The following LAMA1 variants were observed in gnomAD, a reference collection of about 807,000 sequenced individuals.
LAMA1 encodes the protein laminin subunit alpha-1.
In LAMA1, 219 loss-of-function variants were observed where a neutral mutation model predicts 348.7. The observed-to-expected ratio is 0.63, with a 90% CI of 0.56 to 0.70. LAMA1 has a LOEUF of 0.70. Among genes scored for constraint, LAMA1 ranks in the 30% least tolerant of loss-of-function variants. LAMA1 has a pLI of 0.00. For missense variants in LAMA1, 3,744 were observed against 3,888.0 expected (o/e 0.96, Z 0.99); for synonymous variants, 1,487 against 1,491.0 (o/e 1.00, Z 0.06).
chr18:6,958,960 G>A (rs2057594175), intron 54 of LAMA1, among the ~76,000 whole-genome samples: 1 of 151,808 alleles, frequency 6.6e-6, no homozygotes, highest in Non-Finnish European at 1.5e-5. Flanking sequence ...AATGCCCAGT[G>A]TGCTTTTAAA....
At position 6,978,281 on chromosome 18, in the gene LAMA1, C is replaced by T; in HGVS notation, c.6105G>A (p.Glu2035=). ...ACAGGCTGGCAGATGTGTTCAGCAG[C>T]TCCTGGCTCAGCCCCGCCACGTCCC... The part of the protein sequence containing the change: ...TLRDVAGLSQ[E]LLNTSASLSR... The change falls in exon 43 of 63, where the codon GAG becomes GAA. Residue 2035 remains glutamate, a synonymous_variant. Transcript: ENST00000389658. The T allele has an allele frequency of 6.2e-7, 1 of 1,614,226 alleles. No homozygotes were observed. The highest frequency in any genetic ancestry group is 8.5e-7 in the Non-Finnish European group (1 of 1,180,040).
chr18:7,043,194 T>A, intron 8 of LAMA1, 33 bp downstream of exon 8: 1 of 1,610,280 alleles, frequency 6.2e-7, no homozygotes, highest in Non-Finnish European at 8.5e-7. Flanking sequence ...GGGAAGATGA[T>A]GAAGATCAGC....
chr18:7,035,542 C>T (rs530562033), intron 13 of LAMA1, among the ~76,000 whole-genome samples: 2 of 152,142 alleles, frequency 1.3e-5, no homozygotes, highest in South Asian at 2.1e-4. Context: ...CCTGCCTCAC[C>T]CTCCCGAGTA....
At chr18:7,090,486 A>G (rs10163623) in intron 1 of LAMA1, among the ~76,000 whole-genome samples, 21,432 of 151,992 alleles carry the variant, frequency 0.14, 4,633 homozygotes, top group African/African-American at 0.47. Flanking sequence ...GGGGAGAATA[A>G]CCCCCTCCTT....
intron 1 of LAMA1, among the ~76,000 whole-genome samples, chr18:7,098,561 A>G (rs1179603513): frequency 4.2e-5 from 6 of 141,690 alleles, no homozygotes; most frequent in Non-Finnish European, 9.1e-5. Context: ...GGAGGTGAGG[A>G]GCATCTCTGC....
intron 44 of LAMA1, 142 bp downstream of exon 44, chr18:6,977,585 T>C (rs2057688080): frequency 3.5e-6 from 3 of 861,822 alleles, no homozygotes; most frequent in Non-Finnish European, 3.6e-6. Context: ...GACAGGGCTA[T>C]GAGGAAGCCC....
At chr18:7,088,184 G>A (rs575252930) in intron 1 of LAMA1, among the ~76,000 whole-genome samples, 1 of 152,262 alleles carries the variant, frequency 6.6e-6, no homozygotes, top group South Asian at 2.1e-4. Context: ...GGCTCGTCAA[G>A]GCATGGCCTC....
At chr18:7,045,913 AC>A (rs2058040231) in intron 6 of LAMA1, among the ~76,000 whole-genome samples, 1 of 151,784 alleles carries the variant, frequency 6.6e-6, no homozygotes, top group Non-Finnish European at 1.5e-5. Flanking sequence ...GGAAGAGAAA[AC>A]CTTTCTTCTA....
At chr18:6,969,047 T>C (rs2057646529) in intron 48 of LAMA1, among the ~76,000 whole-genome samples, 1 of 152,114 alleles carries the variant, frequency 6.6e-6, no homozygotes, top group Non-Finnish European at 1.5e-5. Context: ...ATGAAGACGG[T>C]TCAATCAATT....
intron 1 of LAMA1, among the ~76,000 whole-genome samples, chr18:7,094,370 G>A (rs947371380): frequency 1.4e-5 from 2 of 146,536 alleles, no homozygotes; most frequent in African/African-American, 5.1e-5. Context: ...GTTGCAGTGA[G>A]CCTAGATTAT....
intron 29 of LAMA1, among the ~76,000 whole-genome samples, chr18:7,005,979 G>T (rs1387973026): frequency 4.6e-5 from 7 of 152,174 alleles, no homozygotes; most frequent in African/African-American, 1.7e-4. Flanking sequence ...CTTGTGATTG[G>T]GCCACACCCA....
At chr18:7,095,491 C>T (rs554755392) in intron 1 of LAMA1, among the ~76,000 whole-genome samples, 8 of 152,308 alleles carry the variant, frequency 5.3e-5, no homozygotes, top group African/African-American at 9.6e-5. Flanking sequence ...CCTCCAGGAG[C>T]CCTCCCCTTC....
At chr18:6,968,321 C>T (rs777826795) in intron 48 of LAMA1, among the ~76,000 whole-genome samples, 6 of 152,170 alleles carry the variant, frequency 3.9e-5, no homozygotes, top group Non-Finnish European at 7.3e-5. Flanking sequence ...GTGGATAATC[C>T]GGAGCTGACC....
intron 1 of LAMA1, among the ~76,000 whole-genome samples, chr18:7,092,303 T>C (rs2058242434): frequency 6.6e-6 from 1 of 152,302 alleles, no homozygotes; most frequent in South Asian, 2.1e-4. Context: ...ACATTCTCTC[T>C]TCACTCAGTT....
intron 1 of LAMA1, among the ~76,000 whole-genome samples, chr18:7,108,640 CAAAAAAAAAAAA>C (rs58802341): frequency 5.0e-5 from 2 of 40,222 alleles, no homozygotes; most frequent in South Asian, 1.7e-3. Flanking sequence ...GACTCTGTCT[CAAAAAAAAAAAA>C]AAAAAAAAAA....
chr18:7,074,330 C>A (rs868207233), intron 3 of LAMA1, among the ~76,000 whole-genome samples: 10 of 152,266 alleles, frequency 6.6e-5, no homozygotes, highest in Middle Eastern at 3.4e-3. Flanking sequence ...CGATGAACAT[C>A]TTTTCATCTC....
At chr18:7,036,177 G>T in intron 12 of LAMA1, 89 bp from the exon 13 acceptor site, 1 of 867,474 alleles carries the variant, frequency 1.2e-6, no homozygotes, top group Non-Finnish European at 2.0e-6. Context: ...GGATCCATCT[G>T]CAAACAACTA....
In LAMA1 at chr18:6,962,045, G is replaced by A. The variant is rs2057610538; in HGVS notation, c.7352C>T (p.Thr2451Ile). 1 of 1,613,612 alleles carries A rather than the reference G, an allele frequency of 6.2e-7. No individual in the cohort carries two copies. The highest frequency in any genetic ancestry group is 8.5e-7 in the Non-Finnish European group (1 of 1,179,540). ...CTTGATGCAGCCCACAAAGCTTTTGGTGGTGACACCTCTCCTGTAGGGAAG... is the reference window on the plus strand; with the variant it reads ...CTTGATGCAGCCCACAAAGCTTTTGATGGTGACACCTCTCCTGTAGGGAAG... Reference protein sequence around the residue: ...RSRVVRRGVTTKSFVGCIKNL... With the variant: ...RSRVVRRGVTIKSFVGCIKNL... The change falls in exon 52 of 63, where the codon ACC becomes ATC. Residue 2451 changes from threonine to isoleucine, a missense_variant. Physicochemically the swap from Thr to Ile is moderately conservative, Grantham distance 89. Around this residue, in one of 3 missense-constraint regions of LAMA1, gnomAD observed 1,983 missense variants for 1,934.3 expected, o/e 1.03. Coordinates refer to ENST00000389658, the MANE Select transcript of LAMA1 (RefSeq NM_005559.4).
At chr18:7,019,983 A>C (rs1272246334) in intron 19 of LAMA1, among the ~76,000 whole-genome samples, 2 of 152,094 alleles carry the variant, frequency 1.3e-5, no homozygotes, top group Non-Finnish European at 2.9e-5. Context: ...TGCCCGGCCT[A>C]TTATAGTAAT....
Sources: gnomAD v4.1 joint callset for allele counts (sites outside exome capture counted in the v4.1 genomes callset) on GRCh38, gnomAD v4.1.1 for gene constraint, gnomAD v4.1.1 regional missense constraint, MANE v1.5 for transcripts, NCBI Gene and HGNC (gene_info 2026-07-23, HGNC 2026-07-21) for gene names.